Variants in C8A observed in about 807,000 individuals in gnomAD.
The protein encoded by C8A is complement component C8 alpha chain.
A neutral mutation model predicts 65.3 loss-of-function variants in C8A; 67 were observed. That is an observed-to-expected ratio of 1.03 (90% CI 0.84 to 1.26). C8A has a LOEUF of 1.26. Ranked by LOEUF, C8A falls within the 50% of genes most tolerant of loss-of-function variation. The probability of loss-of-function intolerance (pLI) is 0.00; values close to 1 mark genes in which losing one functional copy is unlikely to be tolerated. For synonymous variants in C8A, 290 were observed against 259.4 expected (o/e 1.12, Z -1.13); for missense variants, 781 against 723.9 (o/e 1.08, Z -0.90).
At chr1:56,901,452 C>T (rs1189611186) in intron 7 of C8A, among the ~76,000 whole-genome samples, 2 of 152,062 alleles carry the variant, frequency 1.3e-5, no homozygotes, top group African/African-American at 4.8e-5. Flanking sequence ...GAGGGTGGCT[C>T]TCCCACCTGC....
chr1:56,885,112 C>G (rs1334666215), intron 6 of C8A, among the ~76,000 whole-genome samples: 1 of 151,404 alleles, frequency 6.6e-6, no homozygotes, highest in Non-Finnish European at 1.5e-5. Context: ...TAGTAGCTCA[C>G]CCAGGTGAGA....
Position 56,912,495 on chromosome 1 carries a change from G to A in C8A, c.1473G>A (p.Leu491=), listed in dbSNP as rs1557716942. 6.2e-7 allele frequency: 1 copy of A among 1,614,126 alleles called. No individual in the cohort carries two copies. Among genetic ancestry groups the A allele is most frequent in the African/African-American group, 1.3e-5 (1 of 74,938 alleles). The change falls in exon 10 of 11, where the codon CTG becomes CTA. Residue 491 remains leucine, a synonymous_variant. Transcript: ENST00000361249. The stretch of plus-strand genomic sequence containing the variant: ...TGCGCCGCGCCTTGGACCAGTATCT[G>A]ATGGAATTCAATGCCTGCCGATGTG... ...QNLRRALDQY[L]MEFNACRCGP...
chr1:56,887,752 G>C (rs1644311653), intron 7 of C8A, among the ~76,000 whole-genome samples: 1 of 152,118 alleles, frequency 6.6e-6, no homozygotes, highest in African/African-American at 2.4e-5. Flanking sequence ...CTCAATAATA[G>C]ACTGGATAAA....
chr1:56,899,407 A>T (rs1264702417), intron 7 of C8A, among the ~76,000 whole-genome samples: 1 of 152,170 alleles, frequency 6.6e-6, no homozygotes, highest in Non-Finnish European at 1.5e-5. Flanking sequence ...CTTAGTGTAT[A>T]ACCTGGGCAA....
intron 4 of C8A, among the ~76,000 whole-genome samples, chr1:56,877,308 C>T (rs1031689705): frequency 3.9e-5 from 6 of 152,126 alleles, no homozygotes; most frequent in African/African-American, 1.4e-4. Flanking sequence ...ACCATCTCCC[C>T]TAGGTAGTCT....
At chr1:56,879,181 A>C (rs1644227899) in intron 4 of C8A, among the ~76,000 whole-genome samples, 1 of 152,218 alleles carries the variant, frequency 6.6e-6, no homozygotes. Flanking sequence ...CTTTATTAAA[A>C]AAAAATTTCC....
intron 1 of C8A, among the ~76,000 whole-genome samples, chr1:56,862,279 T>C (rs1644041653): frequency 6.6e-6 from 1 of 152,204 alleles, no homozygotes; most frequent in Non-Finnish European, 1.5e-5. Flanking sequence ...AGAAATCAGA[T>C]TCAAATGCAT....
chr1:56,896,886 T>A (rs546207605), intron 7 of C8A, among the ~76,000 whole-genome samples: 4 of 152,286 alleles, frequency 2.6e-5, no homozygotes, highest in African/African-American at 9.6e-5. Flanking sequence ...AGCCCTTTCA[T>A]ACACATCATC....
chr1:56,903,306 G>T (rs1644440302), intron 7 of C8A, among the ~76,000 whole-genome samples: 1 of 152,126 alleles, frequency 6.6e-6, no homozygotes, highest in South Asian at 2.1e-4. Context: ...CATGAGTTCT[G>T]CTGGTTTTAT....
At chr1:56,862,628 C>T (rs938499352) in intron 1 of C8A, among the ~76,000 whole-genome samples, 4 of 152,120 alleles carry the variant, frequency 2.6e-5, no homozygotes, top group Admixed American at 6.5e-5. Context: ...TAGACTTGTG[C>T]TCATTCTACA....
chr1:56,882,194 T>G (rs114518004), intron 5 of C8A, among the ~76,000 whole-genome samples: 1 of 152,166 alleles, frequency 6.6e-6, no homozygotes, highest in South Asian at 2.1e-4. Context: ...ATCTCTACAA[T>G]TTGGTGGTCT....
At chr1:56,866,722 AC>A (rs1466605903) in intron 1 of C8A, among the ~76,000 whole-genome samples, 1 of 152,200 alleles carries the variant, frequency 6.6e-6, no homozygotes, top group African/African-American at 2.4e-5. Context: ...TAGCAGTGGT[AC>A]TATGGGAAGA....
chr1:56,904,913 A>G (rs747150820), intron 7 of C8A, among the ~76,000 whole-genome samples: 1 of 152,110 alleles, frequency 6.6e-6, no homozygotes, highest in Non-Finnish European at 1.5e-5. Context: ...GAGCATAATC[A>G]CACAACAGGC....
chr1:56,855,700 C>G (rs1643967759), intron 1 of C8A, among the ~76,000 whole-genome samples: 1 of 151,260 alleles, frequency 6.6e-6, no homozygotes, highest in Admixed American at 6.6e-5. Flanking sequence ...TTTATTTCAC[C>G]TTCGGGATAG....
chr1:56,863,428 A>G (rs1357186576), intron 1 of C8A, among the ~76,000 whole-genome samples: 1 of 152,100 alleles, frequency 6.6e-6, no homozygotes, highest in Admixed American at 6.5e-5. Context: ...GGCTTTTAAA[A>G]CTACAGCAAT....
chr1:56,863,532 T>C (rs143876484), intron 1 of C8A, among the ~76,000 whole-genome samples: 11 of 152,342 alleles, frequency 7.2e-5, no homozygotes, highest in Admixed American at 3.3e-4. Context: ...GGGCTTACAA[T>C]GACATTATCT....
intron 2 of C8A, among the ~76,000 whole-genome samples, chr1:56,869,957 G>T (rs1369264239): frequency 2.0e-5 from 3 of 152,174 alleles, no homozygotes; most frequent in African/African-American, 7.2e-5. Context: ...GTAAGTGGCA[G>T]AAACACACAC....
At chr1:56,873,725 AG>A (rs1051950082) in intron 2 of C8A, among the ~76,000 whole-genome samples, 4 of 152,188 alleles carry the variant, frequency 2.6e-5, no homozygotes, top group African/African-American at 9.6e-5. Flanking sequence ...GGACTGAGCC[AG>A]GGAGAGAGGC....
intron 6 of C8A, among the ~76,000 whole-genome samples, chr1:56,885,207 T>C (rs1381350309): frequency 6.6e-6 from 1 of 150,810 alleles, no homozygotes; most frequent in Non-Finnish European, 1.5e-5. Flanking sequence ...GTGCCTAGTA[T>C]GTGCTTGTGA....
Sources: gnomAD v4.1 joint callset for allele counts (sites outside exome capture counted in the v4.1 genomes callset) on GRCh38, gnomAD v4.1.1 for gene constraint, MANE v1.5 for transcripts, NCBI Gene and HGNC (gene_info 2026-07-23, HGNC 2026-07-21) for gene names.